Variants in MTHFD2L observed in about 807,000 individuals in gnomAD.
MTHFD2L encodes the protein bifunctional methylenetetrahydrofolate dehydrogenase/cyclohydrolase 2, mitochondrial.
MTHFD2L carries 29 observed loss-of-function variants against 34.9 expected under a neutral mutation model. That is an observed-to-expected ratio of 0.83 (90% confidence interval 0.62 to 1.13). MTHFD2L has a LOEUF of 1.13. MTHFD2L is among the 50% of genes most tolerant of loss of function. MTHFD2L has a pLI of 0.00. For synonymous variants in MTHFD2L, 167 were observed against 155.7 expected, an observed-to-expected ratio of 1.07 and a Z score of -0.54; for missense variants, 481 against 446.5, an observed-to-expected ratio of 1.08 and a Z score of -0.70.
intron 5 of MTHFD2L, among the ~76,000 whole-genome samples, chr4:74,213,179 G>A (rs1242953944): frequency 1.3e-5 from 2 of 152,076 alleles, no homozygotes; most frequent in African/African-American, 4.8e-5. Context: ...TTTAATTGGG[G>A]CATTTAGCCT....
At chr4:74,265,808 T>C (rs1235246773) in intron 6 of MTHFD2L, among the ~76,000 whole-genome samples, 1 of 152,220 alleles carries the variant, frequency 6.6e-6, no homozygotes. Flanking sequence ...AAGCTTAATA[T>C]TCTCTATATC....
At chr4:74,295,107 C>G (rs16850864) in intron 7 of MTHFD2L, among the ~76,000 whole-genome samples, 1 of 151,874 alleles carries the variant, frequency 6.6e-6, no homozygotes, top group Non-Finnish European at 1.5e-5. Flanking sequence ...CTTTTAAAAG[C>G]TTATTCACCC....
chr4:74,228,446 A>G (rs940527109), intron 6 of MTHFD2L, among the ~76,000 whole-genome samples: 1 of 152,206 alleles, frequency 6.6e-6, no homozygotes, highest in South Asian at 2.1e-4. Context: ...ATATTTGACT[A>G]TTGTCCTTAG....
chr4:74,187,733 T>TACACACACACACAC (rs35175417), intron 3 of MTHFD2L, among the ~76,000 whole-genome samples: 11 of 134,224 alleles, frequency 8.2e-5, no homozygotes, highest in African/African-American at 3.2e-4. Flanking sequence ...AAACGTTAAA[T>TACACACACACACAC]ACACACACAC....
chr4:74,174,615 A>C lies in MTHFD2L; in HGVS notation c.253A>C (p.Ser85Arg). 6.2e-7 allele frequency: 1 copy of C among 1,605,318 alleles called. No homozygotes were observed. Among genetic ancestry groups the C allele is most frequent in the Non-Finnish European group, 8.5e-7 (1 of 1,176,262 alleles). Residue 85 changes from serine (S) to arginine (R), a missense_variant, in exon 2 of 8, where the codon AGT becomes CGT. Ser to Arg is a moderately radical substitution (Grantham distance 110, BLOSUM62 -1). Coordinates refer to ENST00000325278, the MANE Select transcript of MTHFD2L (RefSeq NM_001144978.3). ...CCTTGGAAACAGAAGACCTCACCTC[A>C]GTATAATTTTAGTGGGAGATAACCC... is the stretch of plus-strand genomic sequence containing the variant. ...VSLGNRRPHL[S>R]IILVGDNPAS... is the part of the protein sequence containing the mutation.
chr4:74,285,566 A>G (rs1024397341), intron 7 of MTHFD2L, among the ~76,000 whole-genome samples: 5 of 152,166 alleles, frequency 3.3e-5, no homozygotes, highest in African/African-American at 1.2e-4. Context: ...ACTAGTAAAT[A>G]GTAATATTTG....
chr4:74,271,238 C>T (rs1292141422), intron 6 of MTHFD2L, among the ~76,000 whole-genome samples: 1 of 152,144 alleles, frequency 6.6e-6, no homozygotes, highest in Admixed American at 6.6e-5. Flanking sequence ...GACATGAAGT[C>T]CTTGCCCATG....
Position 74,291,003 on chromosome 4 carries a change from C to CTTTTTTTTTTTTTTT in MTHFD2L, c.931+9471_931+9485dup, listed in dbSNP as rs10585551. Among the ~76,000 whole-genome samples the CTTTTTTTTTTTTTTT allele has an allele frequency of 3.8e-3, 112 of 29,276 alleles. 25 individuals are homozygous for CTTTTTTTTTTTTTTT. The highest frequency in any genetic ancestry group is 0.015 in the East Asian group (11 of 730). 19.2% of individuals were successfully genotyped at this position (29,276 alleles called of 152,430 possible). A position where few individuals can be genotyped will look rare whatever the true frequency, so the allele number is the denominator to read the frequency against. ...CTGTCTTACATTTATTTTTCCTTTT[C>CTTTTTTTTTTTTTTT]TTTTTTTTTTTTTTTTTTTTTTTTT... On this transcript the variant is annotated intron_variant, in intron 7 of 7. Transcript: ENST00000325278.
At chr4:74,148,394 TATCTATC>T (rs1723734304) in intron 1 of MTHFD2L, among the ~76,000 whole-genome samples, 3 of 58,822 alleles carry the variant, frequency 5.1e-5, no homozygotes, top group African/African-American at 2.1e-4. Context: ...TTTATTTATC[TATCTATC>T]TATTTAGACA....
chr4:74,126,200 C>T (rs971590037), intron 1 of MTHFD2L, among the ~76,000 whole-genome samples: 1 of 152,086 alleles, frequency 6.6e-6, no homozygotes. Context: ...AATAGCAAAA[C>T]AGATTTTATT....
chr4:74,252,025 C>A (rs1435735154), intron 6 of MTHFD2L, among the ~76,000 whole-genome samples: 2 of 152,148 alleles, frequency 1.3e-5, no homozygotes, highest in African/African-American at 4.8e-5. Context: ...AAAAAGCATT[C>A]TTTATGCCCA....
intron 3 of MTHFD2L, 52 bp downstream of exon 3, chr4:74,175,455 G>T: frequency 6.5e-7 from 1 of 1,547,952 alleles, no homozygotes. Flanking sequence ...GAAACAAAGG[G>T]CATCTTTCAA....
At chr4:74,250,864 A>G (rs1335216294) in intron 6 of MTHFD2L, among the ~76,000 whole-genome samples, 4 of 152,152 alleles carry the variant, frequency 2.6e-5, no homozygotes, top group Admixed American at 6.6e-5. Context: ...CAGTCTCCCA[A>G]CTGCGCACTC....
At chr4:74,226,915 G>C (rs1739259221) in intron 6 of MTHFD2L, among the ~76,000 whole-genome samples, 1 of 152,194 alleles carries the variant, frequency 6.6e-6, no homozygotes, top group Admixed American at 6.5e-5. Flanking sequence ...TGAAGGAATA[G>C]TGTTTTGGGG....
chr4:74,255,696 C>T (rs1195603983), intron 6 of MTHFD2L, among the ~76,000 whole-genome samples: 1 of 152,120 alleles, frequency 6.6e-6, no homozygotes, highest in East Asian at 1.9e-4. Flanking sequence ...TCTTTATGTT[C>T]ATGATTACCT....
rs1742697054 is a variant in MTHFD2L at position 74,247,777 on chromosome 4, T to G, written c.805+22383T>G. ...CTTTGGTTCTCTTGATATGCTGGAT[T>G]ACATTTAATGATTTGCATATATTGA... On this transcript the variant is annotated intron_variant, in intron 6 of 7. Transcript: ENST00000325278. 2.6e-5 allele frequency among the ~76,000 whole-genome samples: 4 copies of G among 152,364 alleles called. No homozygotes were observed. The South Asian group carries it at 8.3e-4, about 32-fold the overall frequency.
At position 74,267,155 on chromosome 4, in the gene MTHFD2L, A is replaced by G. The variant is rs181910607; in HGVS notation, c.806-14270A>G. On this transcript the variant is annotated intron_variant, in intron 6 of 7. Transcript: ENST00000325278. ...TTGAAACCCATTCCATTCGACTTTA[A>G]TACTCTGTGAATAACATGACAGTTG... is the stretch of plus-strand genomic sequence containing the variant. The G allele has an allele frequency of 2.4e-4, 232 of 985,194 alleles. 1 individual carries two copies. The South Asian group carries it at 9.3e-3, about 39-fold the overall frequency. 61.0% of individuals were successfully genotyped at this position (985,194 alleles called of 1,614,324 possible).
intron 6 of MTHFD2L, among the ~76,000 whole-genome samples, chr4:74,279,791 T>C (rs1479917231): frequency 1.3e-5 from 2 of 151,984 alleles, no homozygotes; most frequent in African/African-American, 4.8e-5. Flanking sequence ...TCAGAACCAA[T>C]AAAAAAGATA....
upstream of MTHFD2L, among the ~76,000 whole-genome samples, chr4:74,118,647 G>A (rs1721696555): frequency 6.6e-6 from 1 of 152,218 alleles, no homozygotes; most frequent in African/African-American, 2.4e-5. Flanking sequence ...AGACACCAGA[G>A]ATGCAACCAC....
Sources: gnomAD v4.1 joint callset for allele counts (sites outside exome capture counted in the v4.1 genomes callset) on GRCh38, gnomAD v4.1.1 for gene constraint, MANE v1.5 for transcripts, NCBI Gene and HGNC (gene_info 2026-07-23, HGNC 2026-07-21) for gene names.